Variants in PCNX2 observed in about 807,000 individuals in gnomAD.
The protein encoded by PCNX2 is pecanex 2, also known as pecanex-like protein 2.
In PCNX2, 168 loss-of-function variants were observed where a neutral mutation model predicts 223.8. That is an observed-to-expected ratio of 0.75 (90% CI 0.66 to 0.85). The LOEUF (loss-of-function observed/expected upper bound fraction) is 0.85, where lower values mean the gene tolerates loss of function less well. Ranked by LOEUF, PCNX2 falls within the 40% of genes least tolerant of loss-of-function variation. The pLI, the probability that PCNX2 is intolerant of heterozygous loss-of-function variation, is 0.00. For synonymous variants in PCNX2, 1,006 were observed against 1,052.6 expected, an observed-to-expected ratio of 0.96 and a Z score of 0.86; for missense variants, 2,507 against 2,675.5, an observed-to-expected ratio of 0.94 and a Z score of 1.39.
At chr1:233,283,274 T>A (rs1346204921) in intron 1 of PCNX2, among the ~76,000 whole-genome samples, 1 of 152,208 alleles carries the variant, frequency 6.6e-6, no homozygotes, top group Non-Finnish European at 1.5e-5. Flanking sequence ...ATTCAATCAT[T>A]CAATCTATAG....
chr1:233,180,147 T>C (rs566337586), intron 15 of PCNX2, among the ~76,000 whole-genome samples: 5 of 152,246 alleles, frequency 3.3e-5, no homozygotes, highest in Admixed American at 6.5e-5. Flanking sequence ...TATTTCTTTG[T>C]GGCACCAGGG....
chr1:233,011,369 C>G (rs1038097504), intron 28 of PCNX2, among the ~76,000 whole-genome samples: 2 of 152,086 alleles, frequency 1.3e-5, no homozygotes, highest in Non-Finnish European at 2.9e-5. Context: ...CTTTAGCAAG[C>G]TAGGAAAAGA....
chr1:233,223,206 T>C (rs1193379722), intron 10 of PCNX2, among the ~76,000 whole-genome samples: 2 of 152,050 alleles, frequency 1.3e-5, no homozygotes, highest in Admixed American at 6.5e-5. Context: ...GTAGGAGAAA[T>C]TAACTCTGTC....
At chr1:233,111,844 T>A (rs1423853317) in intron 21 of PCNX2, among the ~76,000 whole-genome samples, 1 of 152,238 alleles carries the variant, frequency 6.6e-6, no homozygotes, top group East Asian at 1.9e-4. Flanking sequence ...TTTCAGTTAA[T>A]GCTTTTCAGA....
At chr1:233,084,559 G>A (rs11799797) in intron 23 of PCNX2, among the ~76,000 whole-genome samples, 3,724 of 152,224 alleles carry the variant, frequency 0.024, 73 homozygotes, top group Non-Finnish European at 0.039. Flanking sequence ...TTTATAGAGG[G>A]TTTCTGACAT....
At chr1:232,986,651 G>A (rs1669500436) in intron 32 of PCNX2, 111 bp from the exon 33 acceptor site, 3 of 961,556 alleles carry the variant, frequency 3.1e-6, no homozygotes, top group Non-Finnish European at 4.4e-6. Context: ...CCTCCTCAGT[G>A]CACCACCTGC....
At chr1:233,113,815 A>G (rs115265407) in intron 21 of PCNX2, among the ~76,000 whole-genome samples, 94 of 152,350 alleles carry the variant, frequency 6.2e-4, no homozygotes, top group Middle Eastern at 3.4e-3. Context: ...GCTGCATGGA[A>G]CTTCTGCAAA....
At position 233,126,828 on chromosome 1, in the gene PCNX2, C is replaced by T. The variant is rs143070248; in HGVS notation, c.3837+8185G>A. Among the ~76,000 whole-genome samples the T allele has an allele frequency of 4.7e-3, 720 of 152,108 alleles. 6 individuals carry two copies. Among genetic ancestry groups the T allele is most frequent in the African/African-American group, 0.016 (669 of 41,488 alleles). On this transcript the variant is annotated intron_variant, in intron 21 of 33. Coordinates refer to ENST00000258229, the MANE Select transcript of PCNX2 (RefSeq NM_014801.4). This position sits in a 1 kb window ranked among gnomAD's most constrained non-coding sequence, Gnocchi z 4.8. ...AAAGCTAACATCCTTTTCCCAAAAA[C>T]GTCTTTCTCTTCTTTATTATTCCCT...
chr1:233,118,707 AAG>A (rs1188458483), intron 21 of PCNX2, among the ~76,000 whole-genome samples: 46 of 152,304 alleles, frequency 3.0e-4, no homozygotes, highest in African/African-American at 1.1e-3. Context: ...ACTCTAATGA[AAG>A]AAATCAAAAG....
the PCNX2 span, among the ~76,000 whole-genome samples, chr1:233,312,875 GA>G: frequency 1.4e-5 from 2 of 147,704 alleles, no homozygotes; most frequent in South Asian, 4.2e-4. Flanking sequence ...CAATGGATTA[GA>G]AAAAAAATTC....
At chr1:233,223,551 C>T (rs1386707808) in intron 10 of PCNX2, among the ~76,000 whole-genome samples, 5 of 152,040 alleles carry the variant, frequency 3.3e-5, no homozygotes, top group South Asian at 2.1e-4. Context: ...CCCATCAACC[C>T]GTCATCTAGG....
At chr1:233,043,368 C>T (rs1290348518) in intron 25 of PCNX2, among the ~76,000 whole-genome samples, 1 of 152,128 alleles carries the variant, frequency 6.6e-6, no homozygotes, top group Non-Finnish European at 1.5e-5. Context: ...CCCCATTGGC[C>T]TTCTAACATG....
At chr1:233,121,363 G>A (rs1282358717) in intron 21 of PCNX2, among the ~76,000 whole-genome samples, 4 of 151,950 alleles carry the variant, frequency 2.6e-5, no homozygotes, top group Non-Finnish European at 5.9e-5. Flanking sequence ...AACAACAACA[G>A]TAAACAAAAA....
intron 1 of PCNX2, among the ~76,000 whole-genome samples, chr1:233,270,855 A>G (rs1003398937): frequency 6.6e-6 from 1 of 152,216 alleles, no homozygotes; most frequent in Admixed American, 6.5e-5. Context: ...TGAAAAAAAC[A>G]GCCAAAGGTT....
intron 21 of PCNX2, among the ~76,000 whole-genome samples, chr1:233,100,950 C>A (rs1334853949): frequency 1.3e-5 from 2 of 152,060 alleles, no homozygotes; most frequent in African/African-American, 4.8e-5. Flanking sequence ...TTGGAATTAC[C>A]AATATTTGAA....
In PCNX2 at chr1:233,225,110, TAAAAA is replaced by T. The variant is rs71173259; in HGVS notation, c.2504+2111_2504+2115del. 2.1e-4 allele frequency among the ~76,000 whole-genome samples: 9 copies of T among 42,224 alleles called. No individual in the cohort carries two copies. In the East Asian group the frequency reaches 5.8e-3, roughly 27 times the overall value. 27.7% of individuals were successfully genotyped at this position (42,224 alleles called of 152,430 possible). ...CTGCACATGTATCCCAGAACTAAAG[TAAAAA>T]AAAAAAAAAAAAAAAAAAAAAAATG... On this transcript the variant is annotated intron_variant, in intron 10 of 33. Coordinates refer to ENST00000258229, the MANE Select transcript of PCNX2 (RefSeq NM_014801.4).
chr1:233,206,870 G>A (rs1341084063), intron 13 of PCNX2, among the ~76,000 whole-genome samples: 2 of 152,062 alleles, frequency 1.3e-5, no homozygotes, highest in Non-Finnish European at 2.9e-5. Context: ...AATTAGCCGG[G>A]CATGGTGGCA....
chr1:233,227,113 G>A, intron 10 of PCNX2, 113 bp downstream of exon 10: 11 of 1,251,090 alleles, frequency 8.8e-6, no homozygotes, highest in South Asian at 2.3e-5. Flanking sequence ...AGCAAAGGAA[G>A]CGTACAACTT....
upstream of PCNX2, among the ~76,000 whole-genome samples, chr1:233,296,997 A>G (rs1024745095): frequency 6.6e-6 from 1 of 152,262 alleles, no homozygotes; most frequent in Non-Finnish European, 1.5e-5. Context: ...GTAGGAATGA[A>G]TCATCAAAAT....
Sources: gnomAD v4.1 joint callset for allele counts (sites outside exome capture counted in the v4.1 genomes callset) on GRCh38, gnomAD v4.1.1 for gene constraint, Gnocchi (gnomAD v3.1) non-coding constraint, MANE v1.5 for transcripts, NCBI Gene and HGNC (gene_info 2026-07-23, HGNC 2026-07-21) for gene names.